Variants in CIMIP5 observed in about 807,000 individuals in gnomAD.
CIMIP5 encodes ciliary microtubule inner protein 5.
At chr2:11,140,594 T>C in the CIMIP5 span, 1 of 1,407,616 alleles carries the variant, frequency 7.1e-7, no homozygotes, top group Non-Finnish European at 9.8e-7. Context: ...CAATTGAATA[T>C]TACTCATTCT....
chr2:11,141,168 G>A, the CIMIP5 span, among the ~76,000 whole-genome samples: 5 of 115,516 alleles, frequency 4.3e-5, no homozygotes, highest in South Asian at 5.9e-4. Flanking sequence ...TTGCTCTGTC[G>A]CCCAGGCTGG....
the CIMIP5 span, among the ~76,000 whole-genome samples, chr2:11,135,939 A>G: frequency 6.6e-6 from 1 of 152,208 alleles, no homozygotes; most frequent in Non-Finnish European, 1.5e-5. Flanking sequence ...TTGGAGAAAT[A>G]TCTATTCAAG....
chr2:11,141,397 G>A, the CIMIP5 span, among the ~76,000 whole-genome samples: 1 of 151,666 alleles, frequency 6.6e-6, no homozygotes, highest in Non-Finnish European at 1.5e-5. Flanking sequence ...CAAAGTGCTG[G>A]GATTACAGGC....
At chr2:11,136,289 A>G in the CIMIP5 span, among the ~76,000 whole-genome samples, 20 of 152,236 alleles carry the variant, frequency 1.3e-4, no homozygotes, top group African/African-American at 4.3e-4. Context: ...ATTCTTTTGC[A>G]TGTGAAAACT....
the CIMIP5 span, among the ~76,000 whole-genome samples, chr2:11,150,972 G>GA: frequency 6.0e-4 from 92 of 152,214 alleles, no homozygotes; most frequent in African/African-American, 2.2e-3. Context: ...GTGCAGGACA[G>GA]AAAATCATTC....
At chr2:11,148,923 G>A in the CIMIP5 span, among the ~76,000 whole-genome samples, 16 of 151,570 alleles carry the variant, frequency 1.1e-4, no homozygotes, top group African/African-American at 3.4e-4. Flanking sequence ...TAGTAGAGAC[G>A]GGGGTTCACC....
the CIMIP5 span, chr2:11,133,255 G>T: frequency 6.8e-7 from 1 of 1,466,940 alleles, no homozygotes; most frequent in South Asian, 1.4e-5. Context: ...GTTCCAGGAG[G>T]AGGTTTGAGC....
chr2:11,145,447 G>A, the CIMIP5 span: 1 of 152,146 alleles, frequency 6.6e-6, no homozygotes, highest in Non-Finnish European at 1.5e-5. Flanking sequence ...AAGGACCCTT[G>A]TGATTATATC....
chr2:11,147,434 A>G, the CIMIP5 span, among the ~76,000 whole-genome samples: 1 of 152,196 alleles, frequency 6.6e-6, no homozygotes, highest in Admixed American at 6.5e-5. Flanking sequence ...GAGTTCTTTT[A>G]CAGAGTGCAT....
the CIMIP5 span, among the ~76,000 whole-genome samples, chr2:11,154,007 G>A: frequency 6.6e-6 from 1 of 151,944 alleles, no homozygotes; most frequent in Non-Finnish European, 1.5e-5. Flanking sequence ...GACAGGGTCT[G>A]GCTCTGTCTC....
the CIMIP5 span, among the ~76,000 whole-genome samples, chr2:11,141,091 T>C: frequency 6.7e-6 from 1 of 149,692 alleles, no homozygotes; most frequent in Non-Finnish European, 1.5e-5. Context: ...CCCAGCCTCA[T>C]TACCCACCCC....
At chr2:11,134,133 G>A in the CIMIP5 span, among the ~76,000 whole-genome samples, 30 of 152,290 alleles carry the variant, frequency 2.0e-4, no homozygotes, top group African/African-American at 7.0e-4. Flanking sequence ...AAACAGTTCA[G>A]GGTCGGGGGC....
the CIMIP5 span, chr2:11,133,292 T>TCTCA: frequency 6.5e-7 from 1 of 1,531,790 alleles, no homozygotes; most frequent in Non-Finnish European, 8.6e-7. Context: ...TCTCTCTCTC[T>TCTCA]CTCTCTCTGA....
At chr2:11,144,495 CG>C in the CIMIP5 span, 1 of 162,798 alleles carries the variant, frequency 6.1e-6, no homozygotes, top group Non-Finnish European at 1.3e-5. Context: ...TCCCCTCCTG[CG>C]ATTCAGTGTG....
At chr2:11,145,879 C>CA in the CIMIP5 span, 1 of 152,254 alleles carries the variant, frequency 6.6e-6, no homozygotes, top group Non-Finnish European at 1.5e-5. Context: ...CTGGCCAAAA[C>CA]AAAAACAATA....
the CIMIP5 span, chr2:11,144,008 G>A: frequency 6.2e-7 from 1 of 1,607,130 alleles, no homozygotes; most frequent in Non-Finnish European, 8.5e-7. Flanking sequence ...GTTGTGGGCA[G>A]CAGGCTGGAC....
chr2:11,149,025 C>T, the CIMIP5 span, among the ~76,000 whole-genome samples: 368 of 152,024 alleles, frequency 2.4e-3, no homozygotes, highest in South Asian at 6.8e-3. Context: ...TGAGCCACTG[C>T]GCCTGGCCAT....
the CIMIP5 span, among the ~76,000 whole-genome samples, chr2:11,154,132 A>G: frequency 6.6e-6 from 1 of 151,938 alleles, no homozygotes; most frequent in Non-Finnish European, 1.5e-5. Context: ...ACGCGCCACC[A>G]CGCTCGGCTA....
At chr2:11,147,711 C>G in the CIMIP5 span, among the ~76,000 whole-genome samples, 1 of 152,236 alleles carries the variant, frequency 6.6e-6, no homozygotes, top group Non-Finnish European at 1.5e-5. Flanking sequence ...GAACTGCTTT[C>G]TGTACTCTGC....
Sources: allele counts gnomAD v4.1 joint callset (sites outside exome capture counted in the v4.1 genomes callset), GRCh38; gene constraint gnomAD v4.1.1; transcripts MANE v1.5; gene names NCBI Gene and HGNC (gene_info 2026-07-23, HGNC 2026-07-21).